The following CYB5A variants were observed in gnomAD, a reference collection of about 807,000 sequenced individuals.
The protein encoded by CYB5A is cytochrome b5 type A, also known as cytochrome b5.
A neutral mutation model predicts 16.2 loss-of-function variants in CYB5A; 10 were observed. The observed-to-expected ratio is 0.62, with a 90% CI of 0.38 to 1.04. The LOEUF (loss-of-function observed/expected upper bound fraction) is 1.04, where lower values mean the gene tolerates loss of function less well. CYB5A is among the 50% of genes least tolerant of loss of function. The pLI is 0.01. For synonymous variants in CYB5A, 62 were observed against 57.0 expected, an observed-to-expected ratio of 1.09 and a Z score of -0.40; for missense variants, 161 against 165.9, an observed-to-expected ratio of 0.97 and a Z score of 0.16.
intron 1 of CYB5A, among the ~76,000 whole-genome samples, chr18:74,278,538 C>T (rs1982970158): frequency 2.0e-5 from 3 of 152,150 alleles, no homozygotes; most frequent in Non-Finnish European, 4.4e-5. Context: ...CTTCTCACCA[C>T]CTCTCCTTCA....
intron 1 of CYB5A, among the ~76,000 whole-genome samples, chr18:74,289,452 A>G (rs1046311032): frequency 1.3e-4 from 20 of 152,140 alleles, no homozygotes; most frequent in Non-Finnish European, 1.9e-4. Flanking sequence ...ACCTCTGGCA[A>G]TATCTGGAGA....
chr18:74,254,981 G>A lies in CYB5A; in HGVS notation c.323+760C>T, dbSNP rs369973416. Among the ~76,000 whole-genome samples the A allele has an allele frequency of 2.0e-4, 31 of 152,322 alleles. 1 individual carries two copies. In the Middle Eastern group the frequency reaches 0.017, roughly 84 times the overall value. ...TAATCCTTTCATAAGGATTACAAGT[G>A]AAACTTTCATAAGAATTACAAGTGT... On this transcript the variant is annotated intron_variant, in intron 4 of 4. Coordinates refer to ENST00000340533, the MANE Select transcript of CYB5A (RefSeq NM_148923.4).
At chr18:74,256,376 C>T (rs566086468) in intron 3 of CYB5A, 4 of 179,072 alleles carry the variant, frequency 2.2e-5, no homozygotes, top group South Asian at 1.3e-4. Flanking sequence ...CTGTGCCCGG[C>T]GTCACACTTG....
intron 1 of CYB5A, among the ~76,000 whole-genome samples, chr18:74,284,258 G>C (rs1354115106): frequency 6.8e-6 from 1 of 147,144 alleles, no homozygotes; most frequent in African/African-American, 2.5e-5. Flanking sequence ...AAAAAAGAGA[G>C]ATTAAAAGCA....
chr18:74,271,457 ACAGTG>A (rs1982665218), intron 1 of CYB5A, among the ~76,000 whole-genome samples: 1 of 152,152 alleles, frequency 6.6e-6, no homozygotes, highest in Non-Finnish European at 1.5e-5. Flanking sequence ...CCCTCATCCC[ACAGTG>A]CAGTTTGATG....
intron 1 of CYB5A, among the ~76,000 whole-genome samples, chr18:74,269,923 G>A (rs1168396462): frequency 6.6e-6 from 1 of 152,182 alleles, no homozygotes; most frequent in Admixed American, 6.5e-5. Flanking sequence ...GTAGTCTAGA[G>A]GGGTGGCAGT....
At chr18:74,256,706 G>A in intron 3 of CYB5A, 1 of 888,290 alleles carries the variant, frequency 1.1e-6, no homozygotes, top group South Asian at 1.5e-5. Context: ...AAAAGCATTA[G>A]CAAAACAATC....
intron 1 of CYB5A, among the ~76,000 whole-genome samples, chr18:74,272,576 C>T (rs940295512): frequency 6.6e-6 from 1 of 152,182 alleles, no homozygotes; most frequent in Non-Finnish European, 1.5e-5. Context: ...AGGCAAAGAA[C>T]ACTTGCAAGC....
chr18:74,280,892 G>A (rs1047338229), intron 1 of CYB5A, among the ~76,000 whole-genome samples: 1 of 152,144 alleles, frequency 6.6e-6, no homozygotes, highest in African/African-American at 2.4e-5. Context: ...TCTTAAAATG[G>A]GGCAGTGTAA....
chr18:74,268,771 A>T (rs1056312594), intron 1 of CYB5A, among the ~76,000 whole-genome samples: 1 of 152,140 alleles, frequency 6.6e-6, no homozygotes, highest in African/African-American at 2.4e-5. Context: ...TGAATGGAAG[A>T]TGGGGCCAAA....
chr18:74,262,741 G>A (rs1220075907), intron 2 of CYB5A, among the ~76,000 whole-genome samples: 2 of 152,178 alleles, frequency 1.3e-5, no homozygotes, highest in Non-Finnish European at 2.9e-5. Context: ...GCAATGCTGG[G>A]TTGATTCTCC....
chr18:74,271,523 A>G (rs1982668477), intron 1 of CYB5A, among the ~76,000 whole-genome samples: 1 of 152,180 alleles, frequency 6.6e-6, no homozygotes, highest in Non-Finnish European at 1.5e-5. Context: ...AGATTAATCA[A>G]GGTATACTTA....
chr18:74,280,346 T>C (rs1196809648), intron 1 of CYB5A, among the ~76,000 whole-genome samples: 6 of 151,662 alleles, frequency 4.0e-5, no homozygotes, highest in African/African-American at 1.5e-4. Context: ...GGTAGACCAC[T>C]TGAGCCTCAG....
chr18:74,289,989 A>C (rs1983472676), intron 1 of CYB5A, among the ~76,000 whole-genome samples: 1 of 152,146 alleles, frequency 6.6e-6, no homozygotes. Context: ...AAATATCCTA[A>C]TATTCTCTTA....
In CYB5A at chr18:74,263,490, G is replaced by T. The variant is rs146344037; in HGVS notation, c.130-13C>A. The T allele has an allele frequency of 7.0e-3, 11,267 of 1,613,948 alleles. 104 individuals are homozygous for T. The highest frequency in any genetic ancestry group is 0.015 in the Middle Eastern group (90 of 6,062). On this transcript the variant is annotated splice_polypyrimidine_tract_variant and intron_variant, in intron 1 of 4. Transcript: ENST00000340533. Reference sequence around the variant, plus strand: ...CCCCACCAGGATGCTGTTCAAAGGAGAGGTAGAATAAAAATTTTTTTTTCA... The same window carrying T: ...CCCCACCAGGATGCTGTTCAAAGGATAGGTAGAATAAAAATTTTTTTTTCA...
At chr18:74,263,609 C>G (rs2032264) in intron 1 of CYB5A, 132 bp from the exon 2 acceptor site, 772,988 of 794,668 alleles carry the variant, frequency 0.97, 376,900 homozygotes, top group East Asian at 1. Context: ...CTAACTTGTC[C>G]ATAAATGTGG....
intron 1 of CYB5A, 54 bp downstream of exon 1, chr18:74,291,693 C>A (rs1179568521): frequency 5.6e-6 from 9 of 1,611,634 alleles, no homozygotes; most frequent in South Asian, 3.3e-5. Context: ...TGCCAGTGAA[C>A]CCCCAAACCC....
At chr18:74,285,843 C>CAAA (rs58176740) in intron 1 of CYB5A, among the ~76,000 whole-genome samples, 4 of 70,836 alleles carry the variant, frequency 5.6e-5, no homozygotes, top group African/African-American at 8.4e-5. Flanking sequence ...GACCCCATCT[C>CAAA]AAAAAAAAAA....
intron 3 of CYB5A, chr18:74,256,809 G>A (rs1393704158): frequency 3.1e-6 from 5 of 1,612,150 alleles, no homozygotes; most frequent in Non-Finnish European, 4.2e-6. Context: ...AGCAAGCAAA[G>A]CAGTTATGAG....
Sources: gnomAD v4.1 joint callset for allele counts (sites outside exome capture counted in the v4.1 genomes callset) on GRCh38, gnomAD v4.1.1 for gene constraint, MANE v1.5 for transcripts, NCBI Gene and HGNC (gene_info 2026-07-23, HGNC 2026-07-21) for gene names.